The following FBXO34 variants were observed in gnomAD, a reference collection of about 807,000 sequenced individuals.
FBXO34 encodes the protein F-box only protein 34.
FBXO34 carries 12 observed loss-of-function variants against 24.5 expected under a neutral mutation model. That is an observed-to-expected ratio of 0.49 (90% CI 0.31 to 0.79). The LOEUF (loss-of-function observed/expected upper bound fraction) is 0.79, where lower values mean the gene tolerates loss of function less well. Ranked by LOEUF, FBXO34 falls within the 30% of genes least tolerant of loss-of-function variation. FBXO34 has a pLI of 0.04. For synonymous variants in FBXO34, 320 were observed against 311.9 expected (o/e 1.03, Z -0.27); for missense variants, 823 against 857.7 (o/e 0.96, Z 0.51).
intron 1 of FBXO34, among the ~76,000 whole-genome samples, chr14:55,322,141 T>C (rs1449049182): frequency 6.6e-6 from 1 of 151,672 alleles, no homozygotes; most frequent in Non-Finnish European, 1.5e-5. Flanking sequence ...AAACCTCGTC[T>C]CTACTAAAAA....
the FBXO34 span, chr14:55,414,281 G>A: frequency 1.1e-6 from 1 of 926,890 alleles, no homozygotes; most frequent in Admixed American, 2.4e-5. Context: ...TAACGTACTT[G>A]TAACATCTAC....
the FBXO34 span, among the ~76,000 whole-genome samples, chr14:55,422,735 C>G: frequency 6.6e-6 from 1 of 152,236 alleles, no homozygotes; most frequent in South Asian, 2.1e-4. Context: ...TGCCTGTAGT[C>G]TCAGCTACTC....
At position 55,346,343 on chromosome 14, in the gene FBXO34, A is replaced by G. The variant is rs373129753; in HGVS notation, c.-10-4038A>G. Among the ~76,000 whole-genome samples, 4 of 152,308 alleles carry G rather than the reference A, an allele frequency of 2.6e-5. No homozygotes were observed. In the East Asian group the frequency reaches 7.7e-4, roughly 29 times the overall value. On this transcript the variant is annotated intron_variant, in intron 1 of 1. Transcript: ENST00000313833. ...TGACTAGGGCAGTTGTGCTAGGGAT[A>G]AAGAGTGGCACAGTTTAGTGACTTG...
At chr14:55,296,385 T>TTTTTC (rs1882125827) in intron 1 of FBXO34, among the ~76,000 whole-genome samples, 1 of 112,482 alleles carries the variant, frequency 8.9e-6, no homozygotes, top group Non-Finnish European at 1.9e-5. Context: ...TTCTTGTGTT[T>TTTTTC]TTTTTGTTTT....
At chr14:55,317,937 G>T (rs925882198) in intron 1 of FBXO34, among the ~76,000 whole-genome samples, 2 of 152,158 alleles carry the variant, frequency 1.3e-5, no homozygotes, top group Non-Finnish European at 2.9e-5. Context: ...GAGTAAGAAA[G>T]GGAATATGGG....
rs375665666 is a variant in FBXO34 at position 55,313,215 on chromosome 14, C to T, written c.-10-37166C>T. 3.3e-4 allele frequency among the ~76,000 whole-genome samples: 50 copies of T among 152,248 alleles called. 1 individual carries two copies. Among genetic ancestry groups the T allele is most frequent in the African/African-American group, 1.2e-3 (50 of 41,546 alleles). ...GTTCCACAGATCTCTAAGGTAGGGGCAAAATGTTACCAGTTTCTTTGCTAA... is the reference window on the plus strand; with the variant it reads ...GTTCCACAGATCTCTAAGGTAGGGGTAAAATGTTACCAGTTTCTTTGCTAA... On this transcript the variant is annotated intron_variant, in intron 1 of 1. Coordinates refer to ENST00000313833, the MANE Select transcript of FBXO34 (RefSeq NM_017943.4).
intron 1 of FBXO34, among the ~76,000 whole-genome samples, chr14:55,293,852 C>G (rs192135546): frequency 1.3e-5 from 2 of 151,508 alleles, no homozygotes; most frequent in African/African-American, 4.8e-5. Context: ...TTTTCCTTCC[C>G]TAGCACAGAT....
Position 55,346,186 on chromosome 14 carries a change from A to G in FBXO34, c.-10-4195A>G, listed in dbSNP as rs547148130. On this transcript the variant is annotated intron_variant, in intron 1 of 1. Transcript: ENST00000313833. The stretch of plus-strand genomic sequence containing the variant: ...TCTAGTAGTCATGGTTCTGTGAACA[A>G]GCTTTCAAAGTGTGAAGTATGGTAG... Among the ~76,000 whole-genome samples the G allele has an allele frequency of 2.6e-5, 4 of 152,342 alleles. No individual in the cohort carries two copies. The South Asian group carries it at 8.3e-4, about 32-fold the overall frequency.
At chr14:55,340,368 A>G (rs1421162202) in intron 1 of FBXO34, among the ~76,000 whole-genome samples, 1 of 151,664 alleles carries the variant, frequency 6.6e-6, no homozygotes, top group Non-Finnish European at 1.5e-5. Flanking sequence ...TCACCTCCCA[A>G]ATAGGACTAC....
At chr14:55,409,380 A>T in the FBXO34 span, among the ~76,000 whole-genome samples, 1 of 152,216 alleles carries the variant, frequency 6.6e-6, no homozygotes, top group South Asian at 2.1e-4. Context: ...AAAAGAGAAA[A>T]ACTCTTGCCC....
the FBXO34 span, among the ~76,000 whole-genome samples, chr14:55,385,573 G>GT: frequency 2.6e-5 from 4 of 152,206 alleles, no homozygotes; most frequent in Admixed American, 2.6e-4. Context: ...GATTATAGGC[G>GT]TGAGCCACCA....
chr14:55,342,787 CT>C (rs1244460047), intron 1 of FBXO34, among the ~76,000 whole-genome samples: 2 of 152,146 alleles, frequency 1.3e-5, no homozygotes, highest in Non-Finnish European at 2.9e-5. Flanking sequence ...TTATGTGGCA[CT>C]TATTAAAAAC....
At chr14:55,357,565 G>A (rs762648570), downstream of FBXO34, among the ~76,000 whole-genome samples, 3 of 152,208 alleles carry the variant, frequency 2.0e-5, no homozygotes, top group East Asian at 1.9e-4. Flanking sequence ...CCTGTAATCC[G>A]AGCACTTTAG....
At chr14:55,382,991 C>T in the FBXO34 span, among the ~76,000 whole-genome samples, 1 of 152,196 alleles carries the variant, frequency 6.6e-6, no homozygotes, top group African/African-American at 2.4e-5. Context: ...CACTGTTTTA[C>T]ATTTTTTAAA....
the FBXO34 span, among the ~76,000 whole-genome samples, chr14:55,426,849 G>C: frequency 6.6e-6 from 1 of 152,190 alleles, no homozygotes; most frequent in Admixed American, 6.5e-5. Context: ...CCAGAAGCTG[G>C]TAGTAATAAC....
At chr14:55,348,855 A>G (rs1240934572) in intron 1 of FBXO34, among the ~76,000 whole-genome samples, 1 of 152,010 alleles carries the variant, frequency 6.6e-6, no homozygotes, top group Non-Finnish European at 1.5e-5. Context: ...ATTAAAACTG[A>G]TAACCTGAAA....
the FBXO34 span, among the ~76,000 whole-genome samples, chr14:55,432,425 A>C: frequency 6.9e-6 from 1 of 145,560 alleles, no homozygotes; most frequent in African/African-American, 2.6e-5. Context: ...AAAAAAAAAA[A>C]CAACAAATAA....
At chr14:55,401,967 T>C in the FBXO34 span, among the ~76,000 whole-genome samples, 1 of 152,154 alleles carries the variant, frequency 6.6e-6, no homozygotes, top group Admixed American at 6.5e-5. Context: ...ACTAATGAGG[T>C]AGTGGTTATG....
At chr14:55,303,960 C>G (rs1318587031) in intron 1 of FBXO34, among the ~76,000 whole-genome samples, 1 of 152,190 alleles carries the variant, frequency 6.6e-6, no homozygotes, top group Non-Finnish European at 1.5e-5. Context: ...TCACGACTTA[C>G]TGGGAAGCCC....
Sources: gnomAD v4.1 joint callset for allele counts (sites outside exome capture counted in the v4.1 genomes callset) on GRCh38, gnomAD v4.1.1 for gene constraint, MANE v1.5 for transcripts, NCBI Gene and HGNC (gene_info 2026-07-23, HGNC 2026-07-21) for gene names.